The following ANK2 variants were observed in gnomAD, a reference collection of about 807,000 sequenced individuals.
ANK2 encodes ankyrin-2.
A neutral mutation model predicts 360.5 loss-of-function variants in ANK2; 83 were observed. The observed-to-expected ratio is 0.23, with a 90% CI of 0.19 to 0.28. The LOEUF (loss-of-function observed/expected upper bound fraction) is 0.28, where lower values mean the gene tolerates loss of function less well. Among genes scored for constraint, ANK2 ranks in the 10% least tolerant of loss-of-function variants. ANK2 has a pLI of 1.00. For missense variants in ANK2, 4,201 were observed against 4,795.7 expected, an observed-to-expected ratio of 0.88 and a Z score of 3.66; for synonymous variants, 1,740 against 1,759.5, an observed-to-expected ratio of 0.99 and a Z score of 0.28.
At chr4:112,837,335 T>C (rs2061204813) in intron 1 of ANK2, among the ~76,000 whole-genome samples, 1 of 152,222 alleles carries the variant, frequency 6.6e-6, no homozygotes, top group African/African-American at 2.4e-5. Context: ...AGAGGATGTA[T>C]GGAAATGCCT....
the ANK2 span, among the ~76,000 whole-genome samples, chr4:112,758,122 C>G: frequency 6.6e-6 from 1 of 151,742 alleles, no homozygotes; most frequent in Non-Finnish European, 1.5e-5. Flanking sequence ...GTTGGTCACT[C>G]AGGTCCCGAC....
At chr4:112,880,244 T>G (rs2150412063) in intron 1 of ANK2, 1 of 152,334 alleles carries the variant, frequency 6.6e-6, no homozygotes, top group South Asian at 2.1e-4. Context: ...CAAGCCCTTT[T>G]GTAATCTCTC....
chr4:113,049,504 C>T (rs1167822677), upstream of ANK2: 5 of 783,198 alleles, frequency 6.4e-6, no homozygotes, highest in East Asian at 1.2e-4. Context: ...TCATTGTAAC[C>T]GGTTCCTGAT....
chr4:113,130,753 A>C (rs17045653), intron 1 of ANK2, among the ~76,000 whole-genome samples: 29,770 of 152,100 alleles, frequency 0.2, 3,673 homozygotes, highest in East Asian at 0.51. Context: ...GACATAATAG[A>C]TACTCTACTG....
At chr4:113,140,110 A>AT (rs1408104018) in intron 1 of ANK2, among the ~76,000 whole-genome samples, 2 of 152,184 alleles carry the variant, frequency 1.3e-5, no homozygotes, top group Non-Finnish European at 1.5e-5. Flanking sequence ...AGTCAAATAA[A>AT]TTGTATTGAA....
intron 1 of ANK2, among the ~76,000 whole-genome samples, chr4:112,857,499 C>A (rs1003236270): frequency 3.3e-5 from 5 of 152,152 alleles, no homozygotes; most frequent in Admixed American, 2.6e-4. Flanking sequence ...CTGGGAAATA[C>A]TCATCTAGTA....
chr4:112,900,370 G>C (rs1268806993), intron 1 of ANK2, among the ~76,000 whole-genome samples: 4 of 151,696 alleles, frequency 2.6e-5, no homozygotes, highest in African/African-American at 9.7e-5. Flanking sequence ...TTCTCAATTG[G>C]TTTGTTCAGA....
intron 4 of ANK2, among the ~76,000 whole-genome samples, chr4:113,222,361 T>C (rs2099160631): frequency 6.6e-6 from 1 of 151,736 alleles, no homozygotes; most frequent in Admixed American, 6.6e-5. Flanking sequence ...GTCCAATTGC[T>C]AGATAAAAGT....
intron 1 of ANK2, among the ~76,000 whole-genome samples, chr4:112,844,764 G>C (rs1046557584): frequency 2.0e-5 from 3 of 152,128 alleles, no homozygotes; most frequent in Non-Finnish European, 4.4e-5. Flanking sequence ...ACATTGTTTG[G>C]TGTTAAGGTT....
the ANK2 span, among the ~76,000 whole-genome samples, chr4:112,756,580 G>T: frequency 1.3e-5 from 2 of 152,168 alleles, no homozygotes; most frequent in Non-Finnish European, 2.9e-5. Flanking sequence ...GGGAGAATTG[G>T]TTATGTACAT....
intron 13 of ANK2, among the ~76,000 whole-genome samples, chr4:113,263,913 G>A (rs750483087): frequency 4.6e-5 from 7 of 151,980 alleles, no homozygotes; most frequent in East Asian, 1.9e-4. Flanking sequence ...AGTAATAACC[G>A]GCTACTTGAT....
At chr4:113,210,814 T>C (rs2099013032) in intron 4 of ANK2, among the ~76,000 whole-genome samples, 1 of 152,222 alleles carries the variant, frequency 6.6e-6, no homozygotes, top group African/African-American at 2.4e-5. Context: ...GGAAGGCTAT[T>C]ATACTACCTT....
chr4:112,861,241 A>G (rs936354068), intron 1 of ANK2, among the ~76,000 whole-genome samples: 4 of 152,242 alleles, frequency 2.6e-5, no homozygotes, highest in Non-Finnish European at 4.4e-5. Flanking sequence ...GCTACACTCA[A>G]GCTCTTGGGT....
chr4:113,001,056 C>T (rs368236257), intron 2 of ANK2, among the ~76,000 whole-genome samples: 18 of 151,874 alleles, frequency 1.2e-4, no homozygotes, highest in African/African-American at 3.9e-4. Flanking sequence ...AATGTGAGGT[C>T]GGGCACGGTG....
chr4:112,773,421 G>A, the ANK2 span, among the ~76,000 whole-genome samples: 200 of 152,274 alleles, frequency 1.3e-3, no homozygotes, highest in Non-Finnish European at 2.5e-3. Flanking sequence ...CCAAAAACAC[G>A]CATGGGTTTG....
the ANK2 span, among the ~76,000 whole-genome samples, chr4:112,795,438 C>T: frequency 6.6e-6 from 1 of 152,226 alleles, no homozygotes; most frequent in South Asian, 2.1e-4. Flanking sequence ...ATGAACAAGA[C>T]CTACAGACCC....
chr4:112,758,771 C>T, the ANK2 span, among the ~76,000 whole-genome samples: 1 of 152,152 alleles, frequency 6.6e-6, no homozygotes, highest in Admixed American at 6.6e-5. Flanking sequence ...GTAGTAACGA[C>T]GCCACGGATT....
the ANK2 span, among the ~76,000 whole-genome samples, chr4:112,711,192 C>G: frequency 6.9e-6 from 1 of 145,298 alleles, no homozygotes; most frequent in Admixed American, 6.8e-5. Flanking sequence ...AGCACACTGT[C>G]TCAAAAAAAA....
intron 1 of ANK2, among the ~76,000 whole-genome samples, chr4:113,149,502 T>G (rs974268869): frequency 6.6e-6 from 1 of 152,118 alleles, no homozygotes; most frequent in Non-Finnish European, 1.5e-5. Context: ...GCCAAAAGTG[T>G]AATGGAAATT....
Sources: allele counts gnomAD v4.1 joint callset (sites outside exome capture counted in the v4.1 genomes callset), GRCh38; gene constraint gnomAD v4.1.1; transcripts MANE v1.5; gene names NCBI Gene and HGNC (gene_info 2026-07-23, HGNC 2026-07-21).